Variants in PPP2R2B observed in about 807,000 individuals in gnomAD.
PPP2R2B encodes the protein protein phosphatase 2 regulatory subunit Bbeta.
Under a neutral mutation model 46.0 loss-of-function variants are expected in PPP2R2B, and 5 were observed. The observed-to-expected ratio is 0.11, with a 90% confidence interval of 0.06 to 0.23. The LOEUF (loss-of-function observed/expected upper bound fraction) is 0.23, where lower values mean the gene tolerates loss of function less well. Among genes scored for constraint, PPP2R2B ranks in the 10% least tolerant of loss-of-function variants. The probability of loss-of-function intolerance (pLI) is 1.00; values close to 1 mark genes in which losing one functional copy is unlikely to be tolerated. For synonymous variants in PPP2R2B, 215 were observed against 206.7 expected (o/e 1.04, Z -0.34); for missense variants, 367 against 575.0 (o/e 0.64, Z 3.70).
chr5:146,837,754 T>C (rs1473251846), intron 2 of PPP2R2B, among the ~76,000 whole-genome samples: 2 of 152,224 alleles, frequency 1.3e-5, no homozygotes, highest in African/African-American at 2.4e-5. Context: ...TCAGCATATC[T>C]CAAATGAAAT....
intron 1 of PPP2R2B, among the ~76,000 whole-genome samples, chr5:147,028,465 A>G (rs903326958): frequency 4.6e-5 from 7 of 152,168 alleles, no homozygotes; most frequent in African/African-American, 1.7e-4. Context: ...CAAAGCAAAC[A>G]CCATCGTAAC....
intron 1 of PPP2R2B, among the ~76,000 whole-genome samples, chr5:147,046,121 A>G (rs1756531936): frequency 6.6e-6 from 1 of 152,084 alleles, no homozygotes. Flanking sequence ...CTACCTGTGA[A>G]CCCATCACCC....
chr5:146,960,449 C>T (rs1056583971), intron 1 of PPP2R2B, among the ~76,000 whole-genome samples: 5 of 152,092 alleles, frequency 3.3e-5, no homozygotes, highest in Non-Finnish European at 7.4e-5. Flanking sequence ...GCCACCACGC[C>T]CGGCTAATTT....
chr5:146,806,531 G>A (rs1381610698), intron 2 of PPP2R2B, among the ~76,000 whole-genome samples: 1 of 152,156 alleles, frequency 6.6e-6, no homozygotes, highest in East Asian at 1.9e-4. Context: ...TTTGCTGCAT[G>A]GTCTGCTATG....
chr5:146,912,238 C>CA (rs35127306), intron 1 of PPP2R2B, among the ~76,000 whole-genome samples: 27,643 of 56,022 alleles, frequency 0.49, 6,506 homozygotes, highest in East Asian at 0.69. Context: ...GGCTCCGTCT[C>CA]AAAAAAAAAA....
chr5:146,715,140 T>C (rs1392301013), intron 2 of PPP2R2B, among the ~76,000 whole-genome samples: 5 of 152,174 alleles, frequency 3.3e-5, no homozygotes, highest in African/African-American at 1.2e-4. Context: ...CTCTCATCCT[T>C]TCCCTGTGCA....
At chr5:146,990,825 A>T (rs1323942832) in intron 1 of PPP2R2B, among the ~76,000 whole-genome samples, 1 of 152,122 alleles carries the variant, frequency 6.6e-6, no homozygotes, top group Non-Finnish European at 1.5e-5. Context: ...ATGGATTATT[A>T]TTCAGAATAT....
At chr5:146,615,697 A>C (rs1444194405) in intron 7 of PPP2R2B, among the ~76,000 whole-genome samples, 1 of 151,984 alleles carries the variant, frequency 6.6e-6, no homozygotes, top group African/African-American at 2.4e-5. Context: ...GAGAAGTAAA[A>C]GGTCTCTACA....
intron 2 of PPP2R2B, among the ~76,000 whole-genome samples, chr5:146,868,435 C>T (rs951286143): frequency 6.6e-6 from 1 of 152,174 alleles, no homozygotes; most frequent in African/African-American, 2.4e-5. Context: ...AACATCAGAA[C>T]ATATCAAAGA....
intron 2 of PPP2R2B, among the ~76,000 whole-genome samples, chr5:146,781,254 T>C (rs1053583735): frequency 6.9e-6 from 1 of 145,904 alleles, no homozygotes; most frequent in Non-Finnish European, 1.5e-5. Context: ...ATCATAACAG[T>C]AGTGTGAGTA....
At chr5:146,760,840 A>G (rs1754117813) in intron 2 of PPP2R2B, among the ~76,000 whole-genome samples, 1 of 152,186 alleles carries the variant, frequency 6.6e-6, no homozygotes, top group Non-Finnish European at 1.5e-5. Context: ...TTGTCCCATC[A>G]AAAAGTGGGC....
intron 2 of PPP2R2B, among the ~76,000 whole-genome samples, chr5:146,739,941 C>G (rs574822587): frequency 1.3e-4 from 20 of 152,324 alleles, no homozygotes; most frequent in Non-Finnish European, 2.8e-4. Context: ...TATCCTTAAC[C>G]TAGATTCCTT....
At chr5:146,779,735 T>C (rs1755396157) in intron 2 of PPP2R2B, among the ~76,000 whole-genome samples, 1 of 152,164 alleles carries the variant, frequency 6.6e-6, no homozygotes, top group South Asian at 2.1e-4. Flanking sequence ...GGTTGCACTG[T>C]ATAATTAGCT....
At chr5:146,994,490 A>T (rs975863316) in intron 1 of PPP2R2B, among the ~76,000 whole-genome samples, 1 of 152,164 alleles carries the variant, frequency 6.6e-6, no homozygotes, top group Non-Finnish European at 1.5e-5. Flanking sequence ...GCCCCCAGTG[A>T]ATAATGAATT....
Position 146,878,755 on chromosome 5 carries a change from G to A in PPP2R2B, c.-289C>T. 7.5e-7 allele frequency: 1 copy of A among 1,335,086 alleles called. No individual in the cohort carries two copies. The highest frequency in any genetic ancestry group is 1.3e-5 in the South Asian group (1 of 79,948). The allele number at this position is 1,335,086 out of a possible 1,614,324, so 82.7% of individuals were successfully genotyped here. A position where few individuals can be genotyped will look rare whatever the true frequency, so the allele number is the denominator to read the frequency against. On this transcript the variant is annotated 5_prime_UTR_variant, in exon 1 of 10. Transcript: ENST00000394411. This position sits in a 1 kb window ranked among gnomAD's most constrained non-coding sequence, Gnocchi z 4.5. ...TGCTGCTGCTGCTGCTGCTGCTGCTGCTGCAGGAGGCTGGAGGCGGCTGGT... is the reference window on the plus strand; with the variant it reads ...TGCTGCTGCTGCTGCTGCTGCTGCTACTGCAGGAGGCTGGAGGCGGCTGGT...
intron 2 of PPP2R2B, among the ~76,000 whole-genome samples, chr5:146,724,390 G>T (rs1169011692): frequency 6.6e-6 from 1 of 151,512 alleles, no homozygotes; most frequent in Admixed American, 6.6e-5. Context: ...TTGTTGTTTT[G>T]CTAAATAATA....
chr5:146,839,096 T>C (rs1200351172), intron 2 of PPP2R2B, among the ~76,000 whole-genome samples: 2 of 152,216 alleles, frequency 1.3e-5, no homozygotes, highest in Non-Finnish European at 2.9e-5. Context: ...AATTGTGCCT[T>C]CCTAAATACT....
intron 2 of PPP2R2B, among the ~76,000 whole-genome samples, chr5:146,854,689 C>T (rs1273808236): frequency 6.6e-6 from 1 of 152,142 alleles, no homozygotes; most frequent in African/African-American, 2.4e-5. Context: ...TGTGTATAGA[C>T]ACACACTCAC....
At position 147,069,825 on chromosome 5, in the gene PPP2R2B, CTG is replaced by C. The variant is rs1757532722; in HGVS notation, c.50+11232_50+11233del. 8.3e-5 allele frequency among the ~76,000 whole-genome samples: 8 copies of C among 96,294 alleles called. No homozygotes were observed. The South Asian group carries it at 1.7e-3, about 21-fold the overall frequency. 63.2% of individuals were successfully genotyped at this position (96,294 alleles called of 152,430 possible). ...TTTTTTTTTGAGATGGAGTCTTGCT[CTG>C]CCTCCCAGGCTGGAGTACAGTGACA... On this transcript the variant is annotated intron_variant, in intron 2 of 10. Transcript: ENST00000394413.
Sources: allele counts gnomAD v4.1 joint callset (sites outside exome capture counted in the v4.1 genomes callset), GRCh38; gene constraint gnomAD v4.1.1; non-coding constraint Gnocchi (gnomAD v3.1); transcripts MANE v1.5; gene names NCBI Gene and HGNC (gene_info 2026-07-23, HGNC 2026-07-21).